AGO2: variants seen among roughly 807,000 people sequenced by gnomAD.
AGO2 encodes the protein protein argonaute-2.
AGO2 carries 5 observed loss-of-function variants against 102.3 expected under a neutral mutation model. The observed-to-expected ratio is 0.05, with a 90% CI of 0.03 to 0.10. AGO2 has a LOEUF of 0.10. Ranked by LOEUF, AGO2 falls within the 10% of genes least tolerant of loss-of-function variation. The pLI, the probability that AGO2 is intolerant of heterozygous loss-of-function variation, is 1.00. For missense variants in AGO2, 541 were observed against 1,183.7 expected, an observed-to-expected ratio of 0.46 and a Z score of 7.97; for synonymous variants, 449 against 473.1, an observed-to-expected ratio of 0.95 and a Z score of 0.66.
chr8:140,633,038 G>A (rs535509625), intron 1 of AGO2, among the ~76,000 whole-genome samples: 4 of 151,872 alleles, frequency 2.6e-5, no homozygotes, highest in East Asian at 1.9e-4. Context: ...TCAGCCTCCC[G>A]AGTAGCTGGG....
chr8:140,601,914 C>G (rs2073939302), intron 1 of AGO2, among the ~76,000 whole-genome samples: 1 of 152,194 alleles, frequency 6.6e-6, no homozygotes, highest in Non-Finnish European at 1.5e-5. Context: ...CTCACAGCCT[C>G]CTCCTCCACG....
At chr8:140,565,141 CAACAA>C (rs1421803708) in intron 3 of AGO2, among the ~76,000 whole-genome samples, 1 of 137,414 alleles carries the variant, frequency 7.3e-6, no homozygotes, top group Admixed American at 7.4e-5. Flanking sequence ...CAAAAAAACT[CAACAA>C]AACAAAACAA....
intron 14 of AGO2, among the ~76,000 whole-genome samples, chr8:140,543,380 C>T (rs58948940): frequency 3.2e-4 from 48 of 152,314 alleles, no homozygotes; most frequent in Middle Eastern, 6.8e-3. Flanking sequence ...TGGGGCAGCT[C>T]GAATGGCTTC....
intron 1 of AGO2, among the ~76,000 whole-genome samples, chr8:140,632,920 TC>T (rs1350936018): frequency 1.3e-5 from 2 of 151,684 alleles, no homozygotes; most frequent in Admixed American, 1.3e-4. Context: ...TTTTTTTTTT[TC>T]TTGAGATGGA....
Position 140,562,710 on chromosome 8 carries a change from C to T in AGO2, c.337-76G>A, listed in dbSNP as rs189900415. 9.9e-4 allele frequency: 1,518 copies of T among 1,533,022 alleles called. 21 individuals carry two copies. In the African/African-American group the frequency reaches 0.017, roughly 18 times the overall value. 95.0% of individuals were successfully genotyped at this position (1,533,022 alleles called of 1,614,324 possible). ...GAGGACGCAGCCTGGCAGTGGTTGG[C>T]TTCCAGACACTCCTGGGTGAGGAAG... On this transcript the variant is annotated intron_variant, in intron 3 of 18. Transcript: ENST00000220592.
Position 140,538,976 on chromosome 8 carries a change from T to C in AGO2, c.2169+344A>G, listed in dbSNP as rs75344670. ...AAAATTAACCAGGTGTGGTGGTGCA[T>C]GCCTTAGTCCTAGCTACCAGGGAGG... On this transcript the variant is annotated intron_variant, in intron 16 of 18. Coordinates refer to ENST00000220592, the MANE Select transcript of AGO2 (RefSeq NM_012154.5). Among the ~76,000 whole-genome samples, 745 of 152,198 alleles carry C rather than the reference T, an allele frequency of 4.9e-3. 9 individuals are homozygous for C. The highest frequency in any genetic ancestry group is 0.017 in the African/African-American group (712 of 41,524).
rs533420930 is a variant in AGO2 at position 140,565,109 on chromosome 8, C to A, written c.337-2475G>T. Among the ~76,000 whole-genome samples the A allele has an allele frequency of 2.6e-4, 38 of 143,632 alleles. 2 individuals carry two copies. Among genetic ancestry groups the A allele is most frequent in the African/African-American group, 9.9e-4 (38 of 38,504 alleles). 94.2% of individuals were successfully genotyped at this position (143,632 alleles called of 152,430 possible). A position where few individuals can be genotyped will look rare whatever the true frequency, so the allele number is the denominator to read the frequency against. ...AGATCGCACCATACTCCAGCTTGGG[C>A]GACAAGAGTGAAACGCTATCTCAAA... On this transcript the variant is annotated intron_variant, in intron 3 of 18. Coordinates refer to ENST00000220592, the MANE Select transcript of AGO2 (RefSeq NM_012154.5).
the AGO2 span, among the ~76,000 whole-genome samples, chr8:140,640,676 T>C: frequency 2.0e-5 from 3 of 152,136 alleles, no homozygotes; most frequent in Admixed American, 6.5e-5. Context: ...TGCGCCACCA[T>C]GCCCAGCTAA....
chr8:140,554,024 A>T (rs919639818), intron 10 of AGO2, among the ~76,000 whole-genome samples: 1 of 152,036 alleles, frequency 6.6e-6, no homozygotes, highest in Non-Finnish European at 1.5e-5. Context: ...TAATCCCTAC[A>T]CTCTTGAGAT....
At chr8:140,571,286 G>C (rs989701422) in intron 3 of AGO2, among the ~76,000 whole-genome samples, 1 of 152,228 alleles carries the variant, frequency 6.6e-6, no homozygotes, top group Admixed American at 6.5e-5. Flanking sequence ...TAAGGTGAAG[G>C]AGCATCACTG....
Position 140,539,143 on chromosome 8 carries a change from A to G in AGO2, c.2169+177T>C, listed in dbSNP as rs1458988119. 6.6e-6 allele frequency among the ~76,000 whole-genome samples: 1 copy of G among 152,094 alleles called. No homozygotes were observed. ...AACAACAAAAAAGCTTCACCAAATC[A>G]AGGACAGCCTTCTCTAGTGTCTAAA... On this transcript the variant is annotated intron_variant, in intron 16 of 18. Transcript: ENST00000220592. This position sits in a 1 kb window ranked among gnomAD's most constrained non-coding sequence, Gnocchi z 4.7.
At chr8:140,616,291 G>A (rs867948788) in intron 1 of AGO2, among the ~76,000 whole-genome samples, 10 of 152,258 alleles carry the variant, frequency 6.6e-5, no homozygotes, top group Middle Eastern at 3.4e-3. Flanking sequence ...TGACAGCCCC[G>A]CCACCCACTT....
upstream of AGO2, among the ~76,000 whole-genome samples, chr8:140,638,603 G>A (rs139686662): frequency 2.2e-4 from 33 of 152,344 alleles, no homozygotes; most frequent in East Asian, 5.8e-3. Context: ...TATATACTTT[G>A]AGACAGGATC....
At chr8:140,584,631 G>A (rs899273112) in intron 2 of AGO2, among the ~76,000 whole-genome samples, 1 of 152,190 alleles carries the variant, frequency 6.6e-6, no homozygotes, top group Non-Finnish European at 1.5e-5. Flanking sequence ...AGGCAATAGA[G>A]TATTTAGCAA....
chr8:140,602,475 T>TA (rs2073946026), intron 1 of AGO2, among the ~76,000 whole-genome samples: 1 of 152,216 alleles, frequency 6.6e-6, no homozygotes, highest in Admixed American at 6.5e-5. Flanking sequence ...CCAATGTTAA[T>TA]AAAACAGTAA....
At chr8:140,575,145 C>G (rs1052793129) in intron 2 of AGO2, among the ~76,000 whole-genome samples, 1 of 152,212 alleles carries the variant, frequency 6.6e-6, no homozygotes, top group Non-Finnish European at 1.5e-5. Flanking sequence ...GCTGGGAGAT[C>G]CAGCCTGGGC....
chr8:140,613,456 A>G (rs1166108852), intron 1 of AGO2, among the ~76,000 whole-genome samples: 1 of 152,234 alleles, frequency 6.6e-6, no homozygotes, highest in Non-Finnish European at 1.5e-5. Context: ...TTGTAATACA[A>G]CAGATATAAC....
intron 12 of AGO2, among the ~76,000 whole-genome samples, 164 bp from the exon 13 acceptor site, chr8:140,547,791 G>A (rs2072927194): frequency 6.6e-6 from 1 of 152,244 alleles, no homozygotes; most frequent in Admixed American, 6.5e-5. Flanking sequence ...GGTGATAGAA[G>A]AGGGTCCCTG....
chr8:140,526,325 A>G lies in AGO2; in HGVS notation c.*5719T>C, dbSNP rs1053494555. Reference sequence around the variant, plus strand: ...ACACAGGCTGTTTCAAGATTTTGCCACACCTGCGCAGGCTCCTGCCAGCCT... The same window carrying G: ...ACACAGGCTGTTTCAAGATTTTGCCGCACCTGCGCAGGCTCCTGCCAGCCT... On this transcript the variant is annotated 3_prime_UTR_variant, in exon 19 of 19. Coordinates refer to ENST00000220592, the MANE Select transcript of AGO2 (RefSeq NM_012154.5). This position sits in a 1 kb window ranked among gnomAD's most constrained non-coding sequence, Gnocchi z 5.2. The G allele has an allele frequency of 2.0e-5, 3 of 152,186 alleles. No homozygotes were observed. Among genetic ancestry groups the G allele is most frequent in the Non-Finnish European group, 4.4e-5 (3 of 68,026 alleles). The allele number at this position is 152,186 out of a possible 1,614,324, so 9.4% of individuals were successfully genotyped here.
Sources: gnomAD v4.1 joint callset for allele counts (sites outside exome capture counted in the v4.1 genomes callset) on GRCh38, gnomAD v4.1.1 for gene constraint, Gnocchi (gnomAD v3.1) non-coding constraint, MANE v1.5 for transcripts, NCBI Gene and HGNC (gene_info 2026-07-23, HGNC 2026-07-21) for gene names.